Variants in NGEF observed in about 807,000 individuals in gnomAD.
The protein encoded by NGEF is ephexin-1.
A neutral mutation model predicts 80.9 loss-of-function variants in NGEF; 31 were observed. That is an observed-to-expected ratio of 0.38 (90% CI 0.29 to 0.52). NGEF has a LOEUF of 0.52. Ranked by LOEUF, NGEF falls within the 20% of genes least tolerant of loss-of-function variation. The pLI is 0.84. For missense variants in NGEF, 709 were observed against 926.2 expected, an observed-to-expected ratio of 0.77 and a Z score of 3.04; for synonymous variants, 371 against 370.2, an observed-to-expected ratio of 1.00 and a Z score of -0.03.
At chr2:233,009,827 C>T (rs1445854732) in intron 1 of NGEF, among the ~76,000 whole-genome samples, 2 of 152,154 alleles carry the variant, frequency 1.3e-5, no homozygotes, top group Non-Finnish European at 2.9e-5. Context: ...CCACTCTCAT[C>T]TCTGTGGACC....
chr2:232,997,185 A>T (rs1349896999), intron 1 of NGEF, among the ~76,000 whole-genome samples: 1 of 152,220 alleles, frequency 6.6e-6, no homozygotes, highest in African/African-American at 2.4e-5. Context: ...TGCTGGGCCC[A>T]GAGCTTCTGA....
chr2:232,920,221 C>T, intron 5 of NGEF, 63 bp downstream of exon 5: 1 of 1,521,620 alleles, frequency 6.6e-7, no homozygotes, highest in Non-Finnish European at 8.9e-7. Context: ...GAAGCCTCAC[C>T]CCCAGCAGTG....
At chr2:232,978,653 T>C (rs1694346200) in intron 1 of NGEF, among the ~76,000 whole-genome samples, 1 of 151,770 alleles carries the variant, frequency 6.6e-6, no homozygotes, top group African/African-American at 2.4e-5. Context: ...AAAAGTCCCC[T>C]TGTGCCTGCG....
Position 232,974,747 on chromosome 2 carries a change from G to C in NGEF, c.144C>G (p.Ile48Met). The change falls in exon 2 of 15, where the codon ATC (isoleucine) becomes ATG (methionine). Residue 48 changes from isoleucine to methionine, a missense_variant. This residue lies in a region of NGEF where 283 missense variants were observed against 303.4 expected (regional missense o/e 0.93). Transcript: ENST00000264051. Reference protein sequence around the residue: ...KEETSQADQDIQDKEPHCHIP... With the variant: ...KEETSQADQDMQDKEPHCHIP... ...TGTGGCAATGAGGCTCTTTGTCTTG[G>C]ATATCCTGGTCAGCTTGAGAAGTCT... 6.2e-7 allele frequency: 1 copy of C among 1,614,230 alleles called. No homozygotes were observed. The highest frequency in any genetic ancestry group is 8.5e-7 in the Non-Finnish European group (1 of 1,180,042).
intron 3 of NGEF, among the ~76,000 whole-genome samples, chr2:232,949,896 C>T (rs1693644690): frequency 6.6e-6 from 1 of 151,916 alleles, no homozygotes; most frequent in African/African-American, 2.4e-5. Flanking sequence ...ACCACAACCT[C>T]CACCTCCTGG....
rs11674126 is a variant in NGEF at position 232,958,256 on chromosome 2, C to A, written c.383+11958G>T. 6.1e-3 allele frequency among the ~76,000 whole-genome samples: 923 copies of A among 152,082 alleles called. 9 individuals are homozygous for A. The highest frequency in any genetic ancestry group is 0.02 in the African/African-American group (828 of 41,480). On this transcript the variant is annotated intron_variant, in intron 3 of 14. Coordinates refer to ENST00000264051, the MANE Select transcript of NGEF (RefSeq NM_019850.3). ...AAATGGGTTATCACCAAAAGGCAGC[C>A]GGGCAGGAAAACCCCTCTGAGGTAG... is the stretch of plus-strand genomic sequence containing the variant.
intron 5 of NGEF, among the ~76,000 whole-genome samples, chr2:232,909,778 C>G (rs1452358853): frequency 3.3e-5 from 5 of 152,204 alleles, no homozygotes; most frequent in Admixed American, 2.0e-4. Flanking sequence ...TCCCCGCATC[C>G]TTCACCCCTG....
At chr2:232,882,057 C>T (rs1313038944) in intron 13 of NGEF, 129 bp downstream of exon 13, 2 of 765,182 alleles carry the variant, frequency 2.6e-6, no homozygotes, top group Non-Finnish European at 4.4e-6. Context: ...CCCCTGGAGG[C>T]CCGTGCAGGC....
intron 1 of NGEF, among the ~76,000 whole-genome samples, chr2:232,996,611 T>C (rs1188537923): frequency 6.6e-6 from 1 of 152,056 alleles, no homozygotes; most frequent in Non-Finnish European, 1.5e-5. Context: ...AAAGTATAAC[T>C]TGATGGTTTC....
At chr2:232,908,677 T>C (rs1692629915) in intron 5 of NGEF, among the ~76,000 whole-genome samples, 1 of 152,134 alleles carries the variant, frequency 6.6e-6, no homozygotes, top group Non-Finnish European at 1.5e-5. Flanking sequence ...AGTGCTGGGA[T>C]TATAGGCATG....
intron 5 of NGEF, among the ~76,000 whole-genome samples, chr2:232,899,771 CAT>C (rs1308952833): frequency 3.0e-4 from 44 of 145,852 alleles, no homozygotes; most frequent in Admixed American, 1.2e-3. Context: ...CACAGTCACT[CAT>C]ATACACGTTC....
intron 3 of NGEF, among the ~76,000 whole-genome samples, chr2:232,948,165 GTGTGTGTGTGTGTGTGTGTA>G (rs2106303155): frequency 6.6e-6 from 1 of 151,150 alleles, no homozygotes; most frequent in African/African-American, 2.4e-5. Context: ...GTGTGTGTGT[GTGTGTGTGTGTGTGTGTGTA>G]TATAATTATT....
chr2:232,910,230 C>T (rs949430645), intron 5 of NGEF, among the ~76,000 whole-genome samples: 9 of 151,632 alleles, frequency 5.9e-5, no homozygotes, highest in Admixed American at 5.3e-4. Flanking sequence ...CTTCCACAGA[C>T]CAGGGGTGGG....
Position 232,885,263 on chromosome 2 carries a change from C to CA in NGEF, c.1437+16dup. On this transcript the variant is annotated intron_variant, in intron 10 of 14. Coordinates refer to ENST00000264051, the MANE Select transcript of NGEF (RefSeq NM_019850.3). ...CCTGTGCATGGGCACAGGCTCACAC[C>CA]AATCCCACCGGTTCACCTTGATCTT... is the stretch of plus-strand genomic sequence containing the variant. 6.2e-7 allele frequency: 1 copy of CA among 1,611,866 alleles called. No individual in the cohort carries two copies. The highest frequency in any genetic ancestry group is 8.5e-7 in the Non-Finnish European group (1 of 1,178,450).
intron 3 of NGEF, among the ~76,000 whole-genome samples, chr2:232,964,359 G>A (rs1694014577): frequency 6.6e-6 from 1 of 152,142 alleles, no homozygotes. Flanking sequence ...CAACAGAAGG[G>A]TAGATAAGCA....
chr2:232,906,170 GGGGGTC>G, intron 5 of NGEF, among the ~76,000 whole-genome samples: 1 of 41,466 alleles, frequency 2.4e-5, no homozygotes, highest in Non-Finnish European at 5.0e-5. Context: ...AGGGAGGTGG[GGGGGTC>G]AGCCCCCCGC....
At chr2:232,949,482 C>T (rs1303801379) in intron 3 of NGEF, among the ~76,000 whole-genome samples, 5 of 147,132 alleles carry the variant, frequency 3.4e-5, no homozygotes, top group Admixed American at 1.4e-4. Context: ...TGCACTCTTT[C>T]TTTTTTTTTT....
intron 3 of NGEF, among the ~76,000 whole-genome samples, chr2:232,952,011 A>AG (rs1693688289): frequency 6.6e-6 from 1 of 152,206 alleles, no homozygotes; most frequent in African/African-American, 2.4e-5. Context: ...ACACAGCCCT[A>AG]GGAAGGCGTG....
intron 3 of NGEF, among the ~76,000 whole-genome samples, chr2:232,927,643 C>G (rs1250112735): frequency 6.6e-6 from 1 of 152,102 alleles, no homozygotes; most frequent in Non-Finnish European, 1.5e-5. Context: ...ACGACCAGGG[C>G]GCCCAGGACG....
Sources: allele counts gnomAD v4.1 joint callset (sites outside exome capture counted in the v4.1 genomes callset), GRCh38; gene constraint gnomAD v4.1.1; regional missense constraint gnomAD v4.1.1; transcripts MANE v1.5; gene names NCBI Gene and HGNC (gene_info 2026-07-23, HGNC 2026-07-21).